Variants in SGCZ observed in about 807,000 individuals in gnomAD.
The protein encoded by SGCZ is zeta-sarcoglycan.
SGCZ carries 40 observed loss-of-function variants against 41.3 expected under a neutral mutation model. That is an observed-to-expected ratio of 0.97 (90% CI 0.75 to 1.26). SGCZ has a LOEUF of 1.26. Ranked by LOEUF, SGCZ falls within the 50% of genes most tolerant of loss-of-function variation. The pLI, the probability that SGCZ is intolerant of heterozygous loss-of-function variation, is 0.00. For synonymous variants in SGCZ, 206 were observed against 137.5 expected (o/e 1.50, Z -3.49); for missense variants, 552 against 369.8 (o/e 1.49, Z -4.04).
intron 3 of SGCZ, among the ~76,000 whole-genome samples, chr8:14,300,970 C>T (rs943333241): frequency 2.6e-5 from 4 of 151,838 alleles, no homozygotes; most frequent in African/African-American, 9.7e-5. Flanking sequence ...CAGCCTCCAA[C>T]CAGAAAAGAT....
intron 4 of SGCZ, among the ~76,000 whole-genome samples, chr8:14,210,414 C>T (rs1403960443): frequency 6.6e-6 from 1 of 151,824 alleles, no homozygotes; most frequent in South Asian, 2.1e-4. Context: ...CTTGGAATTA[C>T]CCTTAATTGT....
At chr8:14,464,050 T>C (rs1163142504) in intron 2 of SGCZ, among the ~76,000 whole-genome samples, 1 of 151,728 alleles carries the variant, frequency 6.6e-6, no homozygotes, top group Non-Finnish European at 1.5e-5. Context: ...TTTGTATCAA[T>C]GTTCATAAGG....
chr8:14,615,994 A>T (rs1806087728), intron 1 of SGCZ, among the ~76,000 whole-genome samples: 1 of 152,122 alleles, frequency 6.6e-6, no homozygotes, highest in Admixed American at 6.5e-5. Flanking sequence ...GTAGTATGGA[A>T]AACCCTGGGC....
intron 1 of SGCZ, among the ~76,000 whole-genome samples, chr8:14,919,614 T>C (rs1370949604): frequency 6.6e-6 from 1 of 151,992 alleles, no homozygotes; most frequent in Non-Finnish European, 1.5e-5. Context: ...ATTTTGACAG[T>C]AGTACTATCT....
chr8:14,176,673 C>G (rs970518499), intron 4 of SGCZ, among the ~76,000 whole-genome samples: 3 of 152,182 alleles, frequency 2.0e-5, no homozygotes, highest in African/African-American at 7.2e-5. Context: ...GGGCATATGT[C>G]CATTGCTTGG....
intron 1 of SGCZ, among the ~76,000 whole-genome samples, chr8:14,913,698 T>C (rs1228564234): frequency 1.3e-5 from 2 of 152,210 alleles, no homozygotes; most frequent in African/African-American, 4.8e-5. Flanking sequence ...GTGTGGGATA[T>C]ATTTAATAAA....
At chr8:14,545,931 G>C (rs1803612486) in intron 2 of SGCZ, among the ~76,000 whole-genome samples, 1 of 151,936 alleles carries the variant, frequency 6.6e-6, no homozygotes, top group Non-Finnish European at 1.5e-5. Flanking sequence ...GTTTACTTCA[G>C]GAAAAAGAAC....
intron 2 of SGCZ, among the ~76,000 whole-genome samples, chr8:14,357,209 T>C (rs944898270): frequency 6.6e-6 from 1 of 152,168 alleles, no homozygotes; most frequent in East Asian, 1.9e-4. Context: ...TGCTAAATCA[T>C]ATAACGAATC....
intron 1 of SGCZ, among the ~76,000 whole-genome samples, chr8:14,933,616 C>CT (rs1799990875): frequency 6.6e-6 from 1 of 151,554 alleles, no homozygotes; most frequent in South Asian, 2.1e-4. Flanking sequence ...TTCTTTCTTT[C>CT]TTTTTTCTGT....
chr8:15,103,824 C>A (rs1250854443), intron 1 of SGCZ, among the ~76,000 whole-genome samples: 6 of 152,070 alleles, frequency 3.9e-5, no homozygotes, highest in Non-Finnish European at 1.5e-5. Flanking sequence ...GGAAAACAGT[C>A]CCACACTAAG....
At chr8:14,103,138 C>A (rs1802086459) in intron 6 of SGCZ, among the ~76,000 whole-genome samples, 1 of 151,864 alleles carries the variant, frequency 6.6e-6, no homozygotes, top group Admixed American at 6.6e-5. Context: ...AAAGAAAAAT[C>A]AATAGGAGGG....
At chr8:14,203,386 C>T (rs528174729) in intron 4 of SGCZ, among the ~76,000 whole-genome samples, 1 of 152,200 alleles carries the variant, frequency 6.6e-6, no homozygotes, top group African/African-American at 2.4e-5. Context: ...TAATTATTTA[C>T]CTTGGCTAAC....
At chr8:14,791,211 C>G (rs1469676055) in intron 1 of SGCZ, among the ~76,000 whole-genome samples, 1 of 151,898 alleles carries the variant, frequency 6.6e-6, no homozygotes. Flanking sequence ...AAATCTAACT[C>G]TAATACCACA....
intron 4 of SGCZ, among the ~76,000 whole-genome samples, chr8:14,235,598 C>T (rs1185928285): frequency 1.3e-5 from 2 of 152,288 alleles, no homozygotes; most frequent in South Asian, 2.1e-4. Flanking sequence ...TTGCACTTCA[C>T]GTAATCAAAT....
chr8:15,153,140 G>A (rs992875058), intron 1 of SGCZ, among the ~76,000 whole-genome samples: 4 of 152,068 alleles, frequency 2.6e-5, no homozygotes, highest in Non-Finnish European at 5.9e-5. Context: ...TATATAATTA[G>A]TACAATTTTA....
chr8:14,727,177 C>T (rs1273130143), intron 1 of SGCZ, among the ~76,000 whole-genome samples: 4 of 152,036 alleles, frequency 2.6e-5, no homozygotes, highest in African/African-American at 7.2e-5. Context: ...TGAACAAACA[C>T]TTCACCAAAG....
chr8:15,031,588 G>C (rs1235352948), intron 1 of SGCZ, among the ~76,000 whole-genome samples: 1 of 152,138 alleles, frequency 6.6e-6, no homozygotes, highest in South Asian at 2.1e-4. Flanking sequence ...GAAAGTCAAG[G>C]AATATGTGCA....
At chr8:15,232,539 G>A (rs944509187) in intron 1 of SGCZ, among the ~76,000 whole-genome samples, 4 of 151,284 alleles carry the variant, frequency 2.6e-5, no homozygotes, top group Non-Finnish European at 5.9e-5. Flanking sequence ...CCCTCTTAAT[G>A]GCATAAGTGA....
chr8:14,718,855 T>C (rs566646239), intron 1 of SGCZ, among the ~76,000 whole-genome samples: 1 of 140,076 alleles, frequency 7.1e-6, no homozygotes, highest in Non-Finnish European at 1.5e-5. Context: ...ATATATATAT[T>C]TTTATTATTA....
Sources: gnomAD v4.1 joint callset for allele counts (sites outside exome capture counted in the v4.1 genomes callset) on GRCh38, gnomAD v4.1.1 for gene constraint, MANE v1.5 for transcripts, NCBI Gene and HGNC (gene_info 2026-07-23, HGNC 2026-07-21) for gene names.